The following ABLIM1 variants were observed in gnomAD, a reference collection of about 807,000 sequenced individuals.
The protein encoded by ABLIM1 is actin-binding LIM protein 1.
A neutral mutation model predicts 107.0 loss-of-function variants in ABLIM1; 40 were observed. The ratio of observed to expected loss-of-function variants is 0.37; its 90% CI spans 0.29 to 0.49. The LOEUF is 0.49. Among genes scored for constraint, ABLIM1 ranks in the 20% least tolerant of loss-of-function variants. The pLI, the probability that ABLIM1 is intolerant of heterozygous loss-of-function variation, is 0.97. For synonymous variants in ABLIM1, 357 were observed against 357.3 expected (o/e 1.00, Z 0.01); for missense variants, 857 against 1,008.5 (o/e 0.85, Z 2.04).
At chr10:114,715,411 T>C (rs1367020054) in intron 1 of ABLIM1, among the ~76,000 whole-genome samples, 1 of 152,204 alleles carries the variant, frequency 6.6e-6, no homozygotes, top group Non-Finnish European at 1.5e-5. Context: ...GCCTGGAAGT[T>C]TGGGAATCTC....
At chr10:114,530,570 G>C (rs2065340300) in intron 6 of ABLIM1, among the ~76,000 whole-genome samples, 1 of 152,130 alleles carries the variant, frequency 6.6e-6, no homozygotes, top group Non-Finnish European at 1.5e-5. Context: ...GTCTCACTCT[G>C]TCATCTAGGC....
intron 6 of ABLIM1, among the ~76,000 whole-genome samples, chr10:114,532,194 A>G (rs1271514059): frequency 6.6e-6 from 1 of 152,112 alleles, no homozygotes; most frequent in Non-Finnish European, 1.5e-5. Context: ...CAAAATTCCA[A>G]ACTCTATCCC....
At chr10:114,451,814 T>A in intron 13 of ABLIM1, 143 bp from the exon 14 acceptor site, 1 of 738,464 alleles carries the variant, frequency 1.4e-6, no homozygotes, top group South Asian at 1.8e-5. Flanking sequence ...AAAGATTGAG[T>A]TTATTGAAAG....
intron 1 of ABLIM1, among the ~76,000 whole-genome samples, chr10:114,673,849 T>G (rs1471728571): frequency 6.6e-6 from 1 of 152,106 alleles, no homozygotes; most frequent in Non-Finnish European, 1.5e-5. Flanking sequence ...TTTTTTGTTT[T>G]CAATAAAGAT....
chr10:114,546,282 CCTTTT>C (rs2067331318), intron 5 of ABLIM1, among the ~76,000 whole-genome samples: 1 of 150,948 alleles, frequency 6.6e-6, no homozygotes, highest in South Asian at 2.1e-4. Flanking sequence ...GAGCTTCTTG[CCTTTT>C]CTTTTCTTTC....
intron 8 of ABLIM1, among the ~76,000 whole-genome samples, chr10:114,476,646 A>AAATAAGAATAATAAT (rs1555068641): frequency 1.9e-4 from 27 of 143,282 alleles, no homozygotes; most frequent in African/African-American, 7.0e-4. Context: ...CTCTGCCTCA[A>AAATAAGAATAATAAT]AATAATAATA....
At chr10:114,605,522 G>A (rs557832822) in intron 1 of ABLIM1, among the ~76,000 whole-genome samples, 108 of 152,256 alleles carry the variant, frequency 7.1e-4, no homozygotes, top group African/African-American at 2.5e-3. Flanking sequence ...TACTGGCAGA[G>A]GCATACTTAG....
upstream of ABLIM1, among the ~76,000 whole-genome samples, chr10:114,685,600 C>T (rs1157696953): frequency 6.6e-6 from 1 of 152,188 alleles, no homozygotes; most frequent in Non-Finnish European, 1.5e-5. Context: ...GAACTTGGTG[C>T]CTCTGATAAC....
At chr10:114,589,494 A>C (rs1207777370) in intron 2 of ABLIM1, among the ~76,000 whole-genome samples, 1 of 150,738 alleles carries the variant, frequency 6.6e-6, no homozygotes, top group East Asian at 2.0e-4. Context: ...ACACCACTGC[A>C]CTCCAGCCTG....
At chr10:114,604,153 A>C (rs879015669) in intron 1 of ABLIM1, among the ~76,000 whole-genome samples, 3 of 152,132 alleles carry the variant, frequency 2.0e-5, no homozygotes, top group African/African-American at 7.2e-5. Context: ...GAAGTGAGTA[A>C]TACTGTTCCC....
chr10:114,775,271 G>A, the ABLIM1 span, among the ~76,000 whole-genome samples: 8 of 152,118 alleles, frequency 5.3e-5, no homozygotes, highest in Non-Finnish European at 8.8e-5. Context: ...CCCTCCACAC[G>A]TGGGGATTAC....
chr10:114,613,688 G>A (rs780727179), intron 1 of ABLIM1: 6 of 1,325,080 alleles, frequency 4.5e-6, no homozygotes, highest in Admixed American at 2.1e-5. Flanking sequence ...ACACCCACTG[G>A]GAGATGAAAG....
chr10:114,472,546 T>C (rs1168202557), intron 10 of ABLIM1, among the ~76,000 whole-genome samples: 1 of 152,168 alleles, frequency 6.6e-6, no homozygotes, highest in Non-Finnish European at 1.5e-5. Flanking sequence ...ATTTTTTCTT[T>C]CACATGCTAA....
At chr10:114,509,904 G>C (rs7096046) in intron 6 of ABLIM1, among the ~76,000 whole-genome samples, 10 of 152,278 alleles carry the variant, frequency 6.6e-5, no homozygotes, top group African/African-American at 2.4e-4. Context: ...CAATCATGGC[G>C]GAAGATGAAG....
At chr10:114,554,893 T>C (rs2068531065) in intron 4 of ABLIM1, among the ~76,000 whole-genome samples, 1 of 152,156 alleles carries the variant, frequency 6.6e-6, no homozygotes, top group Non-Finnish European at 1.5e-5. Context: ...GCTCTGACAC[T>C]GAACAGAGGG....
chr10:114,654,158 G>A (rs1014668244), intron 1 of ABLIM1, among the ~76,000 whole-genome samples: 1 of 152,230 alleles, frequency 6.6e-6, no homozygotes, highest in Admixed American at 6.5e-5. Flanking sequence ...CCAAGCACCT[G>A]TCCTAAACAG....
intron 1 of ABLIM1, among the ~76,000 whole-genome samples, chr10:114,644,813 T>C (rs2483525): frequency 0.021 from 3,240 of 152,258 alleles, 101 homozygotes; most frequent in African/African-American, 0.074. Flanking sequence ...GGTGCAGGCA[T>C]CACAGAACCA....
chr10:114,608,916 G>A lies in ABLIM1; in HGVS notation c.245-6955C>T, dbSNP rs1163029768. Among the ~76,000 whole-genome samples the A allele has an allele frequency of 5.3e-5, 8 of 151,706 alleles. No individual in the cohort carries two copies. The East Asian group carries it at 1.4e-3, about 26-fold the overall frequency. ...TGTTATCCCAGCTACTCAGGAGGCTGAGACAGGAGAATCGCTTGAACACAG... is the reference window on the plus strand; with the variant it reads ...TGTTATCCCAGCTACTCAGGAGGCTAAGACAGGAGAATCGCTTGAACACAG... On this transcript the variant is annotated intron_variant, in intron 1 of 22. Coordinates refer to ENST00000533213, the MANE Select transcript of ABLIM1 (RefSeq NM_002313.7).
intron 6 of ABLIM1, among the ~76,000 whole-genome samples, chr10:114,515,079 G>A (rs79260982): frequency 0.091 from 13,864 of 152,220 alleles, 662 homozygotes; most frequent in African/African-American, 0.12. Context: ...GAGAAGGAGC[G>A]CGTGCATAAA....
Sources: gnomAD v4.1 joint callset for allele counts (sites outside exome capture counted in the v4.1 genomes callset) on GRCh38, gnomAD v4.1.1 for gene constraint, MANE v1.5 for transcripts, NCBI Gene and HGNC (gene_info 2026-07-23, HGNC 2026-07-21) for gene names.